Variants in FKBP5 observed in about 807,000 individuals in gnomAD.
The protein encoded by FKBP5 is FKBP prolyl isomerase 5, also known as peptidyl-prolyl cis-trans isomerase FKBP5.
In FKBP5, 23 loss-of-function variants were observed where a neutral mutation model predicts 50.5. The ratio of observed to expected loss-of-function variants is 0.46; its 90% CI spans 0.33 to 0.65. The LOEUF (loss-of-function observed/expected upper bound fraction) is 0.65, where lower values mean the gene tolerates loss of function less well. Ranked by LOEUF, FKBP5 falls within the 30% of genes least tolerant of loss-of-function variation. FKBP5 has a pLI of 0.02. For synonymous variants in FKBP5, 176 were observed against 190.6 expected (o/e 0.92, Z 0.63); for missense variants, 411 against 553.1 (o/e 0.74, Z 2.58).
chr6:35,619,813 G>A (rs1271995060), intron 4 of FKBP5, among the ~76,000 whole-genome samples: 2 of 151,994 alleles, frequency 1.3e-5, no homozygotes, highest in Admixed American at 6.6e-5. Context: ...AACATTTATC[G>A]CCAACATTTC....
At chr6:35,675,297 C>T (rs1265379501) in intron 1 of FKBP5, among the ~76,000 whole-genome samples, 7 of 152,086 alleles carry the variant, frequency 4.6e-5, no homozygotes, top group African/African-American at 1.7e-4. Flanking sequence ...CCTGTAATCC[C>T]GGATTCTACG....
intron 2 of FKBP5, among the ~76,000 whole-genome samples, chr6:35,696,064 G>A (rs374879314): frequency 4.7e-5 from 7 of 147,612 alleles, no homozygotes; most frequent in African/African-American, 1.8e-4. Context: ...AGAATGGAGT[G>A]AACCCAGGAG....
intron 1 of FKBP5, among the ~76,000 whole-genome samples, chr6:35,681,419 T>C (rs1003181192): frequency 3.3e-5 from 5 of 152,212 alleles, no homozygotes; most frequent in African/African-American, 1.2e-4. Context: ...TTGTGCTCCT[T>C]TCCAGTCAAC....
At chr6:35,640,048 T>C (rs1185726571) in intron 2 of FKBP5, among the ~76,000 whole-genome samples, 2 of 151,366 alleles carry the variant, frequency 1.3e-5, no homozygotes, top group African/African-American at 4.8e-5. Flanking sequence ...CTCACCACAT[T>C]GTTGTAAGAA....
chr6:35,722,765 G>C (rs568028398), intron 1 of FKBP5, among the ~76,000 whole-genome samples: 1 of 152,188 alleles, frequency 6.6e-6, no homozygotes, highest in African/African-American at 2.4e-5. Flanking sequence ...TTCTGCTCTG[G>C]CCACACCCAG....
At chr6:35,615,557 A>G (rs1006320889) in intron 5 of FKBP5, among the ~76,000 whole-genome samples, 1 of 152,244 alleles carries the variant, frequency 6.6e-6, no homozygotes, top group African/African-American at 2.4e-5. Context: ...TAAGAATAGT[A>G]ATGAATAATA....
chr6:35,605,561 T>C (rs1378799576), intron 5 of FKBP5, among the ~76,000 whole-genome samples: 2 of 151,696 alleles, frequency 1.3e-5, no homozygotes, highest in Admixed American at 6.6e-5. Flanking sequence ...TATGTGTGGC[T>C]AATTTTTTTT....
chr6:35,666,106 G>A (rs906210948), intron 1 of FKBP5, among the ~76,000 whole-genome samples: 3 of 152,000 alleles, frequency 2.0e-5, no homozygotes, highest in Non-Finnish European at 2.9e-5. Flanking sequence ...ATTACCTAAT[G>A]TATCATCTTC....
At chr6:35,610,256 CTTTAAA>C (rs1039413868) in intron 5 of FKBP5, among the ~76,000 whole-genome samples, 1 of 152,036 alleles carries the variant, frequency 6.6e-6, no homozygotes, top group African/African-American at 2.4e-5. Flanking sequence ...CTTTTTTCCC[CTTTAAA>C]TTTGTTTTAA....
chr6:35,669,163 C>G (rs1765315152), intron 1 of FKBP5, among the ~76,000 whole-genome samples: 1 of 152,158 alleles, frequency 6.6e-6, no homozygotes, highest in Non-Finnish European at 1.5e-5. Context: ...ACCATTAGAA[C>G]TCCCTAAGAC....
Position 35,575,899 on chromosome 6 carries a change from A to C in FKBP5, c.1310T>G (p.Val437Gly). The change falls in exon 11 of 11, where the codon GTC becomes GGC. Residue 437 changes from valine (V) to glycine (G), a missense_variant. By Grantham distance (109) the Val-to-Gly change is moderately radical. This residue lies in a region of FKBP5 where 88 missense variants were observed against 89.0 expected (regional missense o/e 0.99). Transcript: ENST00000357266. ...ACTGTCTGTTCCTTTTTCATTAGTGACCCCTTCTGAAGTCTTCTTGCCCAT... is the reference window on the plus strand; with the variant it reads ...ACTGTCTGTTCCTTTTTCATTAGTGCCCCCTTCTGAAGTCTTCTTGCCCAT... ...KAMGKKTSEG[V>G]TNEKGTDSQA... is the part of the protein sequence containing the mutation. 1 of 1,613,692 alleles carries C rather than the reference A, an allele frequency of 6.2e-7. No homozygotes were observed. The highest frequency in any genetic ancestry group is 8.5e-7 in the Non-Finnish European group (1 of 1,179,864).
At chr6:35,609,951 G>T (rs1359930405) in intron 5 of FKBP5, among the ~76,000 whole-genome samples, 1 of 152,078 alleles carries the variant, frequency 6.6e-6, no homozygotes, top group Non-Finnish European at 1.5e-5. Flanking sequence ...CCATTTTAGT[G>T]CTGCTTTTTT....
intron 1 of FKBP5, among the ~76,000 whole-genome samples, chr6:35,645,150 C>T (rs1478621701): frequency 1.3e-5 from 2 of 152,234 alleles, no homozygotes; most frequent in South Asian, 4.1e-4. Flanking sequence ...TTTAGATGTG[C>T]TATCACCTAT....
At chr6:35,625,891 TGCCTCA>T (rs1763982764) in intron 3 of FKBP5, among the ~76,000 whole-genome samples, 1 of 151,440 alleles carries the variant, frequency 6.6e-6, no homozygotes, top group Non-Finnish European at 1.5e-5. Flanking sequence ...GCCATTCTCC[TGCCTCA>T]GCCTCCCGAG....
At position 35,575,786 on chromosome 6, in the gene FKBP5, A is replaced by G; in HGVS notation, c.*49T>C. 8.3e-7 allele frequency: 1 copy of G among 1,201,116 alleles called. No homozygotes were observed. The highest frequency in any genetic ancestry group is 1.2e-6 in the Non-Finnish European group (1 of 802,600). 74.4% of individuals were successfully genotyped at this position (1,201,116 alleles called of 1,614,324 possible). A position where few individuals can be genotyped will look rare whatever the true frequency, so the allele number is the denominator to read the frequency against. Reference sequence around the variant, plus strand: ...TCTGTCCTGAGTTGGGGGAAAGCCCATTGAGGAGGGGCCGAGTTCACTGGG... The same window carrying G: ...TCTGTCCTGAGTTGGGGGAAAGCCCGTTGAGGAGGGGCCGAGTTCACTGGG... On this transcript the variant is annotated 3_prime_UTR_variant, in exon 11 of 11. Transcript: ENST00000357266.
intron 1 of FKBP5, among the ~76,000 whole-genome samples, chr6:35,663,741 A>G (rs1449300761): frequency 6.6e-6 from 1 of 152,164 alleles, no homozygotes; most frequent in Admixed American, 6.5e-5. Flanking sequence ...CTTCATGTTC[A>G]AACCTTTTCT....
chr6:35,718,597 C>A (rs1327852428), intron 2 of FKBP5, among the ~76,000 whole-genome samples: 1 of 152,154 alleles, frequency 6.6e-6, no homozygotes, highest in East Asian at 1.9e-4. Flanking sequence ...GGTATAAGGC[C>A]CGGCCTCACC....
At chr6:35,643,741 C>T (rs1027152953) in intron 1 of FKBP5, among the ~76,000 whole-genome samples, 2 of 152,202 alleles carry the variant, frequency 1.3e-5, no homozygotes, top group East Asian at 1.9e-4. Context: ...TCATACCAAC[C>T]TTGACCCTCT....
chr6:35,703,394 A>C (rs1766227187), intron 2 of FKBP5, among the ~76,000 whole-genome samples: 1 of 152,098 alleles, frequency 6.6e-6, no homozygotes, highest in Admixed American at 6.6e-5. Flanking sequence ...GGCCAACAGA[A>C]CATGACTCCA....
Sources: allele counts gnomAD v4.1 joint callset (sites outside exome capture counted in the v4.1 genomes callset), GRCh38; gene constraint gnomAD v4.1.1; regional missense constraint gnomAD v4.1.1; transcripts MANE v1.5; gene names NCBI Gene and HGNC (gene_info 2026-07-23, HGNC 2026-07-21).